PHLPP1: variants seen among roughly 807,000 people sequenced by gnomAD.
PHLPP1 encodes the protein PH domain and leucine rich repeat protein phosphatase 1.
PHLPP1 carries 42 observed loss-of-function variants against 117.2 expected under a neutral mutation model. The ratio of observed to expected loss-of-function variants is 0.36; its 90% CI spans 0.28 to 0.46. PHLPP1 has a LOEUF of 0.46. PHLPP1 is among the 20% of genes least tolerant of loss of function. The probability of loss-of-function intolerance (pLI) is 1.00; values close to 1 mark genes in which losing one functional copy is unlikely to be tolerated. For missense variants in PHLPP1, 2,084 were observed against 2,241.9 expected (o/e 0.93, Z 1.42); for synonymous variants, 1,042 against 970.7 (o/e 1.07, Z -1.37).
At chr18:62,853,587 C>T (rs899870123) in intron 3 of PHLPP1, among the ~76,000 whole-genome samples, 3 of 152,126 alleles carry the variant, frequency 2.0e-5, no homozygotes, top group Non-Finnish European at 4.4e-5. Context: ...CCAGGCTGGT[C>T]TCGAACTCCT....
chr18:62,754,354 C>T (rs1911946510), intron 1 of PHLPP1, among the ~76,000 whole-genome samples: 1 of 152,228 alleles, frequency 6.6e-6, no homozygotes, highest in African/African-American at 2.4e-5. Context: ...GTGCAGGGCA[C>T]CTGTCTGCAA....
Position 62,914,944 on chromosome 18 carries a change from T to G in PHLPP1, c.2740T>G (p.Cys914Gly). 6.2e-7 allele frequency: 1 copy of G among 1,613,864 alleles called. No homozygotes were observed. Among genetic ancestry groups the G allele is most frequent in the African/African-American group, 1.3e-5 (1 of 75,056 alleles). The part of the protein sequence containing the change: ...NRLENVPEWV[C>G]ESRKLEVLDI... ...CTTAGAAAATGTGCCTGAGTGGGTATGTGAAAGCCGAAAGCTAGAAGTTTT... is the reference window on the plus strand; with the variant it reads ...CTTAGAAAATGTGCCTGAGTGGGTAGGTGAAAGCCGAAAGCTAGAAGTTTT... The change falls in exon 9 of 17, where the codon TGT becomes GGT. Residue 914 changes from cysteine to glycine, a missense_variant. By Grantham distance (159) the Cys-to-Gly change is radical (BLOSUM62 -3). Transcript: ENST00000262719.
chr18:62,754,841 C>G (rs1024223001), intron 1 of PHLPP1, among the ~76,000 whole-genome samples: 1 of 152,152 alleles, frequency 6.6e-6, no homozygotes, highest in African/African-American at 2.4e-5. Flanking sequence ...GTAGGAATTG[C>G]CATAGTCAGC....
intron 1 of PHLPP1, among the ~76,000 whole-genome samples, chr18:62,798,789 A>G (rs971672457): frequency 6.6e-6 from 1 of 151,820 alleles, no homozygotes; most frequent in Non-Finnish European, 1.5e-5. Flanking sequence ...GATCAAGGCA[A>G]CCCCTGTAAG....
At chr18:62,884,466 C>A (rs947040287) in intron 4 of PHLPP1, among the ~76,000 whole-genome samples, 1 of 152,222 alleles carries the variant, frequency 6.6e-6, no homozygotes, top group Non-Finnish European at 1.5e-5. Flanking sequence ...GTGAGTCTTA[C>A]AGAGCACTGA....
intron 4 of PHLPP1, among the ~76,000 whole-genome samples, chr18:62,861,226 C>T (rs1358273877): frequency 6.6e-6 from 1 of 152,164 alleles, no homozygotes; most frequent in African/African-American, 2.4e-5. Flanking sequence ...TCACCTGCCT[C>T]AGCCTCCCGA....
In PHLPP1 at chr18:62,978,844, C is replaced by G. The variant is rs1336320606; in HGVS notation, c.4567C>G (p.Leu1523Val). Reference sequence around the variant, plus strand: ...GCGCTGCATGCTCCACCCCATCTGTCTGTCCAACTCCTTCCAGCGCCAGCT... The same window carrying G: ...GCGCTGCATGCTCCACCCCATCTGTGTGTCCAACTCCTTCCAGCGCCAGCT... The part of the protein sequence containing the change: ...EQRCMLHPIC[L>V]SNSFQRQLSS... The change falls in exon 17 of 17, where the codon CTG becomes GTG. Residue 1523 changes from leucine (L) to valine (V), a missense_variant. Transcript: ENST00000262719. This position sits in a 1 kb window ranked among gnomAD's most constrained non-coding sequence, Gnocchi z 7.0. 6.2e-7 allele frequency: 1 copy of G among 1,608,572 alleles called. No individual in the cohort carries two copies. The highest frequency in any genetic ancestry group is 1.1e-5 in the South Asian group (1 of 90,036).
chr18:62,780,705 T>C (rs552655716), intron 1 of PHLPP1, among the ~76,000 whole-genome samples: 165 of 152,354 alleles, frequency 1.1e-3, no homozygotes, highest in Middle Eastern at 3.4e-3. Flanking sequence ...CCTTAGGTTA[T>C]ATCACTGCTG....
intron 14 of PHLPP1, among the ~76,000 whole-genome samples, chr18:62,968,243 CAG>C (rs1161701238): frequency 2.0e-5 from 3 of 152,146 alleles, no homozygotes; most frequent in Non-Finnish European, 4.4e-5. Flanking sequence ...GGTTTGGTAT[CAG>C]GGTAATGCTG....
Position 62,716,923 on chromosome 18 carries a change from C to A in PHLPP1, c.1240C>A (p.Gln414Lys). Residue 414 changes from glutamine to lysine, a missense_variant, in exon 1 of 17, where the codon CAG (glutamine) becomes AAG (lysine). Gln to Lys is a moderately conservative substitution (Grantham distance 53, BLOSUM62 1). Transcript: ENST00000262719. The surrounding 1 kb of genome is among the most constrained non-coding windows in gnomAD (Gnocchi z 5.7). Reference sequence around the variant, plus strand: ...GCTTCCCCAGACGGCTTCCTCGCCTCAGCCGCAGCAGAAAGCCCCGAGGGC... The same window carrying A: ...GCTTCCCCAGACGGCTTCCTCGCCTAAGCCGCAGCAGAAAGCCCCGAGGGC... The part of the protein sequence containing the change: ...LPLPQTASSP[Q>K]PQQKAPRAID... 1.3e-6 allele frequency: 2 copies of A among 1,534,036 alleles called. No individual in the cohort carries two copies. The highest frequency in any genetic ancestry group is 1.7e-6 in the Non-Finnish European group (2 of 1,145,334).
chr18:62,812,680 C>G (rs1914157708), intron 1 of PHLPP1, among the ~76,000 whole-genome samples: 1 of 151,890 alleles, frequency 6.6e-6, no homozygotes, highest in South Asian at 2.1e-4. Flanking sequence ...TCTCCTTGCT[C>G]ATGACATTGC....
At chr18:62,799,636 T>G (rs1405136861) in intron 1 of PHLPP1, among the ~76,000 whole-genome samples, 1 of 152,174 alleles carries the variant, frequency 6.6e-6, no homozygotes, top group African/African-American at 2.4e-5. Flanking sequence ...ATTTTCCCCC[T>G]TTCAGGCATC....
chr18:62,980,204 AG>A lies in PHLPP1; in HGVS notation c.*775del, dbSNP rs1236302970. ...TTTCTGTCCGGAGGAAATGGATCTT[AG>A]GCCACTGGACAAGAACCTGCACCCA... On this transcript the variant is annotated 3_prime_UTR_variant, in exon 17 of 17. Transcript: ENST00000262719. The A allele has an allele frequency of 6.6e-6, 1 of 152,626 alleles. No individual in the cohort carries two copies. The highest frequency in any genetic ancestry group is 1.9e-4 in the East Asian group (1 of 5,202). 9.5% of individuals were successfully genotyped at this position (152,626 alleles called of 1,614,324 possible). A position where few individuals can be genotyped will look rare whatever the true frequency, so the allele number is the denominator to read the frequency against.
chr18:62,974,505 T>C (rs942997321), intron 15 of PHLPP1, among the ~76,000 whole-genome samples: 6 of 152,178 alleles, frequency 3.9e-5, no homozygotes, highest in Admixed American at 1.3e-4. Context: ...TTCTTAACTT[T>C]CTTGCTCCTG....
At chr18:62,960,390 A>G (rs561273130) in intron 13 of PHLPP1, among the ~76,000 whole-genome samples, 4 of 152,232 alleles carry the variant, frequency 2.6e-5, no homozygotes, top group Non-Finnish European at 5.9e-5. Context: ...TTTATGTCGT[A>G]TATGTTTACA....
At chr18:62,957,776 T>C (rs552248) in intron 12 of PHLPP1, among the ~76,000 whole-genome samples, 83,740 of 150,984 alleles carry the variant, frequency 0.55, 24,104 homozygotes, top group African/African-American at 0.7. Flanking sequence ...AGTGCAATGG[T>C]GCGATCTCGG....
chr18:62,900,251 C>G (rs1442355053), intron 6 of PHLPP1, among the ~76,000 whole-genome samples: 1 of 151,650 alleles, frequency 6.6e-6, no homozygotes, highest in Admixed American at 6.6e-5. Flanking sequence ...GGGCCAAGAT[C>G]GCACCACTGC....
chr18:62,836,472 TAAATAAATAAA>T (rs1914903663), intron 2 of PHLPP1, among the ~76,000 whole-genome samples: 2 of 142,874 alleles, frequency 1.4e-5, no homozygotes, highest in Non-Finnish European at 3.0e-5. Context: ...AATAAATAAA[TAAATAAATAAA>T]TAAAAATAAA....
chr18:62,880,687 A>G (rs1228877969), intron 4 of PHLPP1, among the ~76,000 whole-genome samples: 1 of 152,228 alleles, frequency 6.6e-6, no homozygotes. Flanking sequence ...CAAAACAGAT[A>G]TGTTTAAGTG....
Sources: gnomAD v4.1 joint callset for allele counts (sites outside exome capture counted in the v4.1 genomes callset) on GRCh38, gnomAD v4.1.1 for gene constraint, Gnocchi (gnomAD v3.1) non-coding constraint, MANE v1.5 for transcripts, NCBI Gene and HGNC (gene_info 2026-07-23, HGNC 2026-07-21) for gene names.